Variants in SPRYD4 observed in about 807,000 individuals in gnomAD.
SPRYD4 encodes the protein SPRY domain-containing protein 4.
A neutral mutation model predicts 16.6 loss-of-function variants in SPRYD4; 12 were observed. The ratio of observed to expected loss-of-function variants is 0.72; its 90% confidence interval spans 0.46 to 1.17. The LOEUF (loss-of-function observed/expected upper bound fraction) is 1.17, where lower values mean the gene tolerates loss of function less well. Among genes scored for constraint, SPRYD4 ranks in the 50% most tolerant of loss-of-function variants. The pLI is 0.00. For missense variants in SPRYD4, 260 were observed against 260.2 expected (o/e 1.00, Z 0.00); for synonymous variants, 98 against 105.4 (o/e 0.93, Z 0.43).
At position 56,472,885 on chromosome 12, in the gene SPRYD4, CTTT is replaced by C. The variant is rs952399444; in HGVS notation, c.*3326_*3328del. On this transcript the variant is annotated 3_prime_UTR_variant, in exon 2 of 2. Transcript: ENST00000338146. ...ATGGAATGTGCTACTCTGAAATATT[CTTT>C]TTTTTTTTTTTTTTTTTGAGACGGA... 5,752 of 392,796 alleles carry C rather than the reference CTTT, an allele frequency of 0.015. No homozygotes were observed. Among genetic ancestry groups the C allele is most frequent in the Middle Eastern group, 0.017 (25 of 1,470 alleles). The allele number at this position is 392,796 out of a possible 1,614,324, so 24.3% of individuals were successfully genotyped here. A position where few individuals can be genotyped will look rare whatever the true frequency, so the allele number is the denominator to read the frequency against.
chr12:56,473,230 G>A lies in SPRYD4; in HGVS notation c.*3653G>A, dbSNP rs780717913. Reference sequence around the variant, plus strand: ...AAGCCACCTGGAGTTTTCCTTACCCGAATTTCTGCCCCTTCACGCCGTGGG... The same window carrying A: ...AAGCCACCTGGAGTTTTCCTTACCCAAATTTCTGCCCCTTCACGCCGTGGG... On this transcript the variant is annotated 3_prime_UTR_variant, in exon 2 of 2. Coordinates refer to ENST00000338146, the MANE Select transcript of SPRYD4 (RefSeq NM_207344.4). 2.0e-5 allele frequency: 33 copies of A among 1,613,792 alleles called. No individual in the cohort carries two copies. Among genetic ancestry groups the A allele is most frequent in the African/African-American group, 5.3e-5 (4 of 74,868 alleles).
Position 56,474,538 on chromosome 12 carries a change from ACT to A in SPRYD4, c.*4963_*4964del. 1 of 1,613,702 alleles carries A rather than the reference ACT, an allele frequency of 6.2e-7. No homozygotes were observed. The highest frequency in any genetic ancestry group is 8.5e-7 in the Non-Finnish European group (1 of 1,180,008). ...TGACAGATGGATAGCAGAGCCAGAA[ACT>A]CACGTGGAAGGCAAACTGGCCAGAG... On this transcript the variant is annotated 3_prime_UTR_variant, in exon 2 of 2. Transcript: ENST00000338146.
Position 56,479,436 on chromosome 12 carries a change from G to C in SPRYD4, c.*9859G>C. ...AAATAAATACCAGAATAATATGTAT[G>C]TATGTTACCTTGATATTTAAAAAAT... On this transcript the variant is annotated 3_prime_UTR_variant, in exon 2 of 2. Transcript: ENST00000338146. 2.3e-6 allele frequency: 1 copy of C among 433,684 alleles called. No individual in the cohort carries two copies. 26.9% of individuals were successfully genotyped at this position (433,684 alleles called of 1,614,324 possible).
chr12:56,469,082 G>C lies in SPRYD4; in HGVS notation c.129G>C (p.Leu43=). Reference sequence around the variant, plus strand: ...AAGAAAAAACCGCCCACAGCAGCCTGGCACTCTTCAGAGATGATACGGGTG... The same window carrying C: ...AAGAAAAAACCGCCCACAGCAGCCTCGCACTCTTCAGAGATGATACGGGTG... The part of the protein sequence containing the change: ...KLEEKTAHSS[L]ALFRDDTGVK... Residue 43 remains leucine, a synonymous_variant, in exon 2 of 2, where the codon CTG becomes CTC. Coordinates refer to ENST00000338146, the MANE Select transcript of SPRYD4 (RefSeq NM_207344.4). 1 of 1,602,556 alleles carries C rather than the reference G, an allele frequency of 6.2e-7. No homozygotes were observed. The highest frequency in any genetic ancestry group is 8.5e-7 in the Non-Finnish European group (1 of 1,173,338).
At position 56,475,421 on chromosome 12, in the gene SPRYD4, T is replaced by C; in HGVS notation, c.*5844T>C. ...ACAAACCATCACACTGCCTCTCTCA[T>C]TATGTACTAATTAGAAATGGAACAA... On this transcript the variant is annotated 3_prime_UTR_variant, in exon 2 of 2. Coordinates refer to ENST00000338146, the MANE Select transcript of SPRYD4 (RefSeq NM_207344.4). The C allele has an allele frequency of 1.4e-6, 1 of 702,318 alleles. No homozygotes were observed. Among genetic ancestry groups the C allele is most frequent in the East Asian group, 2.7e-5 (1 of 36,858 alleles). The allele number at this position is 702,318 out of a possible 1,614,324, so 43.5% of individuals were successfully genotyped here.
Position 56,475,320 on chromosome 12 carries a change from C to T in SPRYD4, c.*5743C>T, listed in dbSNP as rs1170638783. 4.7e-6 allele frequency: 6 copies of T among 1,287,288 alleles called. No individual in the cohort carries two copies. Among genetic ancestry groups the T allele is most frequent in the Admixed American group, 4.9e-5 (2 of 40,782 alleles). The allele number at this position is 1,287,288 out of a possible 1,614,324, so 79.7% of individuals were successfully genotyped here. On this transcript the variant is annotated 3_prime_UTR_variant, in exon 2 of 2. Coordinates refer to ENST00000338146, the MANE Select transcript of SPRYD4 (RefSeq NM_207344.4). ...TTATAAAGTAAACCCAAACCAAACA[C>T]CCCAAACTGTCTAGTCATCTAGGAA...
chr12:56,479,683 A>C lies in SPRYD4; in HGVS notation c.*10106A>C. 7.5e-7 allele frequency: 1 copy of C among 1,341,566 alleles called. No individual in the cohort carries two copies. Among genetic ancestry groups the C allele is most frequent in the Non-Finnish European group, 9.9e-7 (1 of 1,013,744 alleles). The allele number at this position is 1,341,566 out of a possible 1,614,324, so 83.1% of individuals were successfully genotyped here. On this transcript the variant is annotated 3_prime_UTR_variant, in exon 2 of 2. Transcript: ENST00000338146. ...AATAAGTAATAAAATAAAATGAGGA[A>C]TTGAACTATACAATTCCCAAATTCC...
In SPRYD4 at chr12:56,469,106, T is replaced by C; in HGVS notation, c.153T>C (p.Gly51=). 6.2e-7 allele frequency: 1 copy of C among 1,612,682 alleles called. No individual in the cohort carries two copies. The highest frequency in any genetic ancestry group is 8.5e-7 in the Non-Finnish European group (1 of 1,179,266). ...SSLALFRDDT[G]VKYGLVGLEP... ...TGGCACTCTTCAGAGATGATACGGGTGTCAAATATGGCTTGGTGGGATTGG... is the reference window on the plus strand; with the variant it reads ...TGGCACTCTTCAGAGATGATACGGGCGTCAAATATGGCTTGGTGGGATTGG... The change falls in exon 2 of 2, where the codon GGT becomes GGC. Residue 51 remains glycine (G), a synonymous_variant. Transcript: ENST00000338146.
rs148180043 is a variant in SPRYD4 at position 56,468,597 on chromosome 12, G to A, written c.6G>A (p.Ala2=). Residue 2 remains alanine, a synonymous_variant, in exon 1 of 2, where the codon GCG becomes GCA. Coordinates refer to ENST00000338146, the MANE Select transcript of SPRYD4 (RefSeq NM_207344.4). M[A]LLFARSLRLC... is the part of the protein sequence containing the mutation. ...CGGTTCATCCAAGGCGCAAGATGGC[G>A]CTGCTTTTTGCACGTTCTTTGCGCT... 7.7e-4 allele frequency: 1,236 copies of A among 1,613,306 alleles called. 10 individuals are homozygous for A. The African/African-American group carries it at 0.014, about 18-fold the overall frequency.
rs1485551631 is a variant in SPRYD4 at position 56,476,601 on chromosome 12, T to G, written c.*7024T>G. ...GAGACCCTGCCTCAATTTTTTTTTT[T>G]TTTTTTTTTTGAGATGGAGTCTTGC... On this transcript the variant is annotated 3_prime_UTR_variant, in exon 2 of 2. Transcript: ENST00000338146. 1 of 149,844 alleles carries G rather than the reference T, an allele frequency of 6.7e-6. No homozygotes were observed. Among genetic ancestry groups the G allele is most frequent in the Non-Finnish European group, 1.5e-5 (1 of 67,934 alleles). 9.3% of individuals were successfully genotyped at this position (149,844 alleles called of 1,614,324 possible). A position where few individuals can be genotyped will look rare whatever the true frequency, so the allele number is the denominator to read the frequency against.
chr12:56,468,962 T>A (rs1869111320), intron 1 of SPRYD4, 77 bp from the exon 2 acceptor site: 4 of 1,489,134 alleles, frequency 2.7e-6, no homozygotes, highest in Non-Finnish European at 3.6e-6. Context: ...CATGGCTGCC[T>A]GCCTCATATC....
Position 56,472,503 on chromosome 12 carries a change from TATC to T in SPRYD4, c.*2929_*2931del, listed in dbSNP as rs1178866527. On this transcript the variant is annotated 3_prime_UTR_variant, in exon 2 of 2. Transcript: ENST00000338146. ...CTCAATAACAATGGCTAACATTAAT[TATC>T]ATAGAGCAGACAGTTTACTTTTTTT... 6.4e-6 allele frequency: 4 copies of T among 621,672 alleles called. No homozygotes were observed. Among genetic ancestry groups the T allele is most frequent in the Non-Finnish European group, 1.1e-5 (4 of 355,768 alleles). The allele number at this position is 621,672 out of a possible 1,614,324, so 38.5% of individuals were successfully genotyped here.
In SPRYD4 at chr12:56,473,363, C is replaced by G; in HGVS notation, c.*3786C>G. 1 of 1,606,870 alleles carries G rather than the reference C, an allele frequency of 6.2e-7. No individual in the cohort carries two copies. On this transcript the variant is annotated 3_prime_UTR_variant, in exon 2 of 2. Transcript: ENST00000338146. Reference sequence around the variant, plus strand: ...ATATATTGTTTATTTACTCCTTACACTTAGTAGGAGCTCAAAATTGCTTTA... The same window carrying G: ...ATATATTGTTTATTTACTCCTTACAGTTAGTAGGAGCTCAAAATTGCTTTA...
Position 56,474,280 on chromosome 12 carries a change from G to C in SPRYD4, c.*4703G>C, listed in dbSNP as rs1869588966. 2.3e-6 allele frequency: 1 copy of C among 438,012 alleles called. No individual in the cohort carries two copies. The highest frequency in any genetic ancestry group is 4.2e-6 in the Non-Finnish European group (1 of 236,912). The allele number at this position is 438,012 out of a possible 1,614,324, so 27.1% of individuals were successfully genotyped here. A position where few individuals can be genotyped will look rare whatever the true frequency, so the allele number is the denominator to read the frequency against. ...AATTTTTTGTATTTAGTAGAGATGG[G>C]GTTTCACCATGTAGGTCAGGCTGGT... On this transcript the variant is annotated 3_prime_UTR_variant, in exon 2 of 2. Transcript: ENST00000338146.
rs1869983434 is a variant in SPRYD4, at chr12:56,478,113, G to A, written c.*8536G>A. On this transcript the variant is annotated 3_prime_UTR_variant, in exon 2 of 2. Coordinates refer to ENST00000338146, the MANE Select transcript of SPRYD4 (RefSeq NM_207344.4). ...ACAGAGTGCCTGGAGGCAGACAGATGCCATGAAAGGGGTTGGCCTGTGTTC... is the reference window on the plus strand; with the variant it reads ...ACAGAGTGCCTGGAGGCAGACAGATACCATGAAAGGGGTTGGCCTGTGTTC... The A allele has an allele frequency of 6.2e-7, 1 of 1,614,062 alleles. No individual in the cohort carries two copies. Among genetic ancestry groups the A allele is most frequent in the Non-Finnish European group, 8.5e-7 (1 of 1,179,934 alleles).
Position 56,477,993 on chromosome 12 carries a change from T to G in SPRYD4, c.*8416T>G. On this transcript the variant is annotated 3_prime_UTR_variant, in exon 2 of 2. Transcript: ENST00000338146. Reference sequence around the variant, plus strand: ...CCACTTGGCTCTTTGCCCACAAACTTGTGCACGTAGTCAGTGCCTAGGGTG... The same window carrying G: ...CCACTTGGCTCTTTGCCCACAAACTGGTGCACGTAGTCAGTGCCTAGGGTG... 1.9e-6 allele frequency: 3 copies of G among 1,614,196 alleles called. No individual in the cohort carries two copies. Among genetic ancestry groups the G allele is most frequent in the Non-Finnish European group, 1.7e-6 (2 of 1,180,024 alleles).
At position 56,479,364 on chromosome 12, in the gene SPRYD4, G is replaced by T; in HGVS notation, c.*9787G>T. The T allele has an allele frequency of 3.1e-6, 2 of 640,768 alleles. No individual in the cohort carries two copies. The highest frequency in any genetic ancestry group is 5.0e-6 in the Non-Finnish European group (2 of 400,242). 39.7% of individuals were successfully genotyped at this position (640,768 alleles called of 1,614,324 possible). A position where few individuals can be genotyped will look rare whatever the true frequency, so the allele number is the denominator to read the frequency against. On this transcript the variant is annotated 3_prime_UTR_variant, in exon 2 of 2. Transcript: ENST00000338146. ...TAGTTTCCGTACCTCTAAAATGAGG[G>T]GTTTTAATGATGTGGAAAGACACTA...
At position 56,478,088 on chromosome 12, in the gene SPRYD4, A is replaced by G. The variant is rs767910672; in HGVS notation, c.*8511A>G. On this transcript the variant is annotated 3_prime_UTR_variant, in exon 2 of 2. Coordinates refer to ENST00000338146, the MANE Select transcript of SPRYD4 (RefSeq NM_207344.4). Reference sequence around the variant, plus strand: ...GCAGAAGGGGATCTTTGTGTGGCCCACAGAGTGCCTGGAGGCAGACAGATG... The same window carrying G: ...GCAGAAGGGGATCTTTGTGTGGCCCGCAGAGTGCCTGGAGGCAGACAGATG... 6.2e-7 allele frequency: 1 copy of G among 1,614,092 alleles called. No individual in the cohort carries two copies. Among genetic ancestry groups the G allele is most frequent in the Non-Finnish European group, 8.5e-7 (1 of 1,179,954 alleles).
Position 56,472,476 on chromosome 12 carries a change from C to G in SPRYD4, c.*2899C>G. On this transcript the variant is annotated 3_prime_UTR_variant, in exon 2 of 2. Coordinates refer to ENST00000338146, the MANE Select transcript of SPRYD4 (RefSeq NM_207344.4). The stretch of plus-strand genomic sequence containing the variant: ...CTACTTCCTAGGACACTGCTCTTAA[C>G]ACTCAATAACAATGGCTAACATTAA... 1.6e-6 allele frequency: 1 copy of G among 608,102 alleles called. No homozygotes were observed. The highest frequency in any genetic ancestry group is 2.9e-6 in the Non-Finnish European group (1 of 345,948). 37.7% of individuals were successfully genotyped at this position (608,102 alleles called of 1,614,324 possible).
Sources: gnomAD v4.1 joint callset for allele counts on GRCh38, gnomAD v4.1.1 for gene constraint, MANE v1.5 for transcripts, NCBI Gene and HGNC (gene_info 2026-07-23, HGNC 2026-07-21) for gene names.